RAB40C: variants seen among roughly 807,000 people sequenced by gnomAD.
The protein encoded by RAB40C is RAB40C, member RAS oncogene family.
RAB40C carries 8 observed loss-of-function variants against 28.1 expected under a neutral mutation model. The ratio of observed to expected loss-of-function variants is 0.28; its 90% CI spans 0.17 to 0.51. The LOEUF (loss-of-function observed/expected upper bound fraction) is 0.51, where lower values mean the gene tolerates loss of function less well. Among genes scored for constraint, RAB40C ranks in the 20% least tolerant of loss-of-function variants. RAB40C has a pLI of 0.97. For synonymous variants in RAB40C, 201 were observed against 171.7 expected (o/e 1.17, Z -1.34); for missense variants, 288 against 405.9 (o/e 0.71, Z 2.50).
At chr16:599,202 G>A (rs971253946) in intron 1 of RAB40C, among the ~76,000 whole-genome samples, 12 of 152,226 alleles carry the variant, frequency 7.9e-5, no homozygotes, top group Non-Finnish European at 1.8e-4. Flanking sequence ...CCCAGGCCCC[G>A]GCCCCGGCCG....
intron 1 of RAB40C, among the ~76,000 whole-genome samples, chr16:606,783 C>G (rs1247610749): frequency 6.6e-6 from 1 of 152,354 alleles, no homozygotes; most frequent in East Asian, 1.9e-4. Context: ...CTTTGACTCT[C>G]CTTCTGTCTC....
rs2036813976 is a variant in RAB40C, at chr16:625,640, G to A, written c.342+131G>A. On this transcript the variant is annotated intron_variant, in intron 4 of 5. Coordinates refer to ENST00000248139, the MANE Select transcript of RAB40C (RefSeq NM_021168.5). ...GGCTCTGCACCCTGCACTGTCCCAC[G>A]GCCTACGCCTGGGCATGCTGGTCAC... 3.5e-5 allele frequency: 35 copies of A among 1,012,768 alleles called. No individual in the cohort carries two copies. The South Asian group carries it at 4.2e-4, about 12-fold the overall frequency. 62.7% of individuals were successfully genotyped at this position (1,012,768 alleles called of 1,614,324 possible).
chr16:608,567 A>G (rs1320160401), intron 1 of RAB40C, among the ~76,000 whole-genome samples: 1 of 152,136 alleles, frequency 6.6e-6, no homozygotes, highest in East Asian at 1.9e-4. Flanking sequence ...TCCCTTTACC[A>G]TCCTGAAAAG....
At chr16:624,694 T>C in intron 3 of RAB40C, 9 of 985,442 alleles carry the variant, frequency 9.1e-6, no homozygotes, top group Non-Finnish European at 1.1e-5. Context: ...ATTGGCTGGA[T>C]CTGGTTGCAG....
At chr16:618,074 T>C (rs2151076380) in intron 2 of RAB40C, 126 bp from the exon 3 acceptor site, 1 of 813,502 alleles carries the variant, frequency 1.2e-6, no homozygotes, top group Non-Finnish European at 2.0e-6. Flanking sequence ...TAGCACAGCC[T>C]CATTGGCACC....
rs1353242801 is a variant in RAB40C at position 610,392 on chromosome 16, C to G, written c.143-6816C>G. Among the ~76,000 whole-genome samples the G allele has an allele frequency of 6.6e-6, 1 of 152,034 alleles. No homozygotes were observed. Among genetic ancestry groups the G allele is most frequent in the Non-Finnish European group, 1.5e-5 (1 of 68,020 alleles). On this transcript the variant is annotated intron_variant, in intron 1 of 5. Coordinates refer to ENST00000248139, the MANE Select transcript of RAB40C (RefSeq NM_021168.5). The surrounding 1 kb of genome is among the most constrained non-coding windows in gnomAD (Gnocchi z 4.6). ...AGGTGGTGAGCAAGGCCTGTGGCAC[C>G]CAGCAGATGAGGAGGAGAGCAGGGG...
At chr16:597,311 G>A (rs911339367) in intron 1 of RAB40C, among the ~76,000 whole-genome samples, 1 of 152,002 alleles carries the variant, frequency 6.6e-6, no homozygotes, top group Admixed American at 6.6e-5. Flanking sequence ...GGAAACAGAA[G>A]CACTCGGCCC....
chr16:625,056 G>A lies in RAB40C; in HGVS notation c.265-376G>A, dbSNP rs544396053. 428 of 1,294,782 alleles carry A rather than the reference G, an allele frequency of 3.3e-4. 3 individuals are homozygous for A. The South Asian group carries it at 5.0e-3, about 15-fold the overall frequency. The allele number at this position is 1,294,782 out of a possible 1,614,324, so 80.2% of individuals were successfully genotyped here. ...ACTCAGCTCTGTCCCAGGTACTCCC[G>A]GGGGGATTCACTGATGGACTGGCCG... On this transcript the variant is annotated intron_variant, in intron 3 of 5. Coordinates refer to ENST00000248139, the MANE Select transcript of RAB40C (RefSeq NM_021168.5).
chr16:625,721 C>A, intron 4 of RAB40C, 178 bp from the exon 5 acceptor site: 1 of 833,134 alleles, frequency 1.2e-6, no homozygotes, highest in Non-Finnish European at 1.9e-6. Context: ...ACGGGGCCAC[C>A]CGGAAGGGCT....
chr16:619,410 GC>G (rs1270700791), intron 3 of RAB40C, among the ~76,000 whole-genome samples: 3 of 152,168 alleles, frequency 2.0e-5, no homozygotes, highest in Non-Finnish European at 1.5e-5. Flanking sequence ...TGGTGGGTGC[GC>G]TTGGCCACCC....
Position 610,253 on chromosome 16 carries a change from C to T in RAB40C, c.143-6955C>T, listed in dbSNP as rs548670317. On this transcript the variant is annotated intron_variant, in intron 1 of 5. Coordinates refer to ENST00000248139, the MANE Select transcript of RAB40C (RefSeq NM_021168.5). The surrounding 1 kb of genome is among the most constrained non-coding windows in gnomAD (Gnocchi z 4.6). ...AGGTCAGAGCGCCTGTCCTGTGGAG[C>T]GGCTCTGACCAGGACAGTGCCGTGT... Among the ~76,000 whole-genome samples the T allele has an allele frequency of 5.3e-5, 8 of 152,120 alleles. No individual in the cohort carries two copies. In the East Asian group the frequency reaches 5.8e-4, roughly 11 times the overall value.
intron 3 of RAB40C, chr16:624,061 G>A: frequency 1.0e-6 from 1 of 985,456 alleles, no homozygotes; most frequent in Non-Finnish European, 1.2e-6. Context: ...CATCTGCACG[G>A]TACATTTCAC....
chr16:615,268 G>A lies in RAB40C; in HGVS notation c.143-1940G>A, dbSNP rs144776352. Among the ~76,000 whole-genome samples the A allele has an allele frequency of 1.4e-4, 21 of 152,318 alleles. No individual in the cohort carries two copies. The East Asian group carries it at 2.9e-3, about 21-fold the overall frequency. On this transcript the variant is annotated intron_variant, in intron 1 of 5. Transcript: ENST00000248139. ...GTAGGGGTTGGTCAGGCAGAAGGAC[G>A]GTGTGGGTGGAAGCGCTGATGCCTG...
Position 601,850 on chromosome 16 carries a change from G to A in RAB40C, c.142+11417G>A, listed in dbSNP as rs565335898. Among the ~76,000 whole-genome samples the A allele has an allele frequency of 5.3e-3, 704 of 131,780 alleles. 6 individuals carry two copies. The highest frequency in any genetic ancestry group is 0.018 in the African/African-American group (664 of 37,760). 86.5% of individuals were successfully genotyped at this position (131,780 alleles called of 152,430 possible). On this transcript the variant is annotated intron_variant, in intron 1 of 5. Coordinates refer to ENST00000248139, the MANE Select transcript of RAB40C (RefSeq NM_021168.5). ...AAAAAAAAAAAAAAAAAAAAAGGCC[G>A]GATGCGGTGGCTCACGCCTGTAATC...
At chr16:593,765 C>G (rs2036052063) in intron 1 of RAB40C, among the ~76,000 whole-genome samples, 1 of 152,240 alleles carries the variant, frequency 6.6e-6, no homozygotes, top group African/African-American at 2.4e-5. Context: ...TGGGTGTGCG[C>G]TGGGTTTCTG....
At chr16:623,901 A>G in intron 3 of RAB40C, 1 of 968,734 alleles carries the variant, frequency 1.0e-6, no homozygotes, top group Non-Finnish European at 1.2e-6. Flanking sequence ...CACTGCATGA[A>G]CCCCAGCCTG....
At chr16:614,917 C>T (rs575309009) in intron 1 of RAB40C, among the ~76,000 whole-genome samples, 17 of 152,366 alleles carry the variant, frequency 1.1e-4, no homozygotes, top group Middle Eastern at 3.4e-3. Context: ...CTAACTCTAC[C>T]GCATCCTGAT....
At chr16:591,596 C>CTT (rs1015313465) in intron 1 of RAB40C, among the ~76,000 whole-genome samples, 6 of 144,512 alleles carry the variant, frequency 4.2e-5, no homozygotes, top group Non-Finnish European at 6.1e-5. Flanking sequence ...TCTTTTCTTT[C>CTT]TTTTTTTTTT....
At chr16:608,079 AC>A (rs968450921) in intron 1 of RAB40C, among the ~76,000 whole-genome samples, 2 of 152,138 alleles carry the variant, frequency 1.3e-5, no homozygotes, top group Non-Finnish European at 2.9e-5. Context: ...AGGAAGAAAT[AC>A]CCCAGACTGG....
Sources: allele counts gnomAD v4.1 joint callset (sites outside exome capture counted in the v4.1 genomes callset), GRCh38; gene constraint gnomAD v4.1.1; non-coding constraint Gnocchi (gnomAD v3.1); transcripts MANE v1.5; gene names NCBI Gene and HGNC (gene_info 2026-07-23, HGNC 2026-07-21).